Variants in BPIFC observed in about 807,000 individuals in gnomAD.
BPIFC encodes BPI fold containing family C, also known as BPI fold-containing family C protein.
BPIFC carries 60 observed loss-of-function variants against 57.6 expected under a neutral mutation model. That is an observed-to-expected ratio of 1.04 (90% CI 0.85 to 1.29). The LOEUF is 1.29. BPIFC is among the 50% of genes most tolerant of loss of function. The pLI, the probability that BPIFC is intolerant of heterozygous loss-of-function variation, is 0.00. For synonymous variants in BPIFC, 243 were observed against 224.5 expected, an observed-to-expected ratio of 1.08 and a Z score of -0.74; for missense variants, 581 against 600.5, an observed-to-expected ratio of 0.97 and a Z score of 0.34.
chr22:32,427,997 A>G (rs185183210), intron 13 of BPIFC, among the ~76,000 whole-genome samples: 2 of 152,276 alleles, frequency 1.3e-5, no homozygotes, highest in Admixed American at 1.3e-4. Flanking sequence ...AAAACAAAAC[A>G]GAACAAAACA....
In BPIFC at chr22:32,431,353, A is replaced by T. The variant is rs1278113807; in HGVS notation, c.1211T>A (p.Leu404Gln). The part of the protein sequence containing the change: ...LGQRLVCSLS[L>Q]NRFRLALPES... ...TCAAATTGATTGATCTTACCTGTTC[A>T]GAGACAAGGAGCAGACCAGTCTTTG... is the stretch of plus-strand genomic sequence containing the variant. Residue 404 changes from leucine (L) to glutamine (Q), a missense_variant, in exon 13 of 17, where the codon CTG (leucine) becomes CAG (glutamine). Coordinates refer to ENST00000300399, the MANE Select transcript of BPIFC (RefSeq NM_174932.3). The T allele has an allele frequency of 1.9e-6, 3 of 1,611,558 alleles. No individual in the cohort carries two copies. In the South Asian group the frequency reaches 3.3e-5, roughly 18 times the overall value.
At chr22:32,426,383 C>T (rs976966771) in intron 13 of BPIFC, among the ~76,000 whole-genome samples, 6 of 152,172 alleles carry the variant, frequency 3.9e-5, no homozygotes, top group Non-Finnish European at 8.8e-5. Context: ...GATCCTACTG[C>T]CAGAGCCCAG....
At chr22:32,432,081 CACA>C (rs1482841470) in intron 12 of BPIFC, among the ~76,000 whole-genome samples, 4 of 152,046 alleles carry the variant, frequency 2.6e-5, no homozygotes, top group East Asian at 1.9e-4. Context: ...ATGACAGGTG[CACA>C]ACACCACCAC....
intron 13 of BPIFC, among the ~76,000 whole-genome samples, chr22:32,430,695 C>T (rs1934215652): frequency 6.6e-6 from 1 of 151,612 alleles, no homozygotes; most frequent in Non-Finnish European, 1.5e-5. Flanking sequence ...GGTTGGAGTG[C>T]AGTGGCACGA....
chr22:32,421,272 A>G (rs908398730), intron 13 of BPIFC, among the ~76,000 whole-genome samples: 2 of 152,236 alleles, frequency 1.3e-5, no homozygotes, highest in African/African-American at 4.8e-5. Context: ...TAATGATACT[A>G]TGAAGAAATA....
Position 32,417,033 on chromosome 22 carries a change from T to C in BPIFC, c.1324+52A>G, listed in dbSNP as rs201131557. On this transcript the variant is annotated intron_variant, in intron 15 of 16. Coordinates refer to ENST00000300399, the MANE Select transcript of BPIFC (RefSeq NM_174932.3). The stretch of plus-strand genomic sequence containing the variant: ...CAATCCCCAGTGCAGCCGATGCAGA[T>C]GTTAAATGTTAGCCGATGTTACAGT... 852 of 1,380,350 alleles carry C rather than the reference T, an allele frequency of 6.2e-4. 4 individuals are homozygous for C. Among genetic ancestry groups the C allele is most frequent in the Non-Finnish European group, 7.5e-4 (730 of 966,976 alleles). 85.5% of individuals were successfully genotyped at this position (1,380,350 alleles called of 1,614,324 possible). A position where few individuals can be genotyped will look rare whatever the true frequency, so the allele number is the denominator to read the frequency against.
intron 16 of BPIFC, 100 bp from the exon 17 acceptor site, chr22:32,414,525 A>G (rs1933614418): frequency 7.1e-7 from 1 of 1,416,816 alleles, no homozygotes; most frequent in Non-Finnish European, 9.5e-7. Flanking sequence ...TATTATTTTA[A>G]TTTTGAGATG....
chr22:32,457,509 C>T, intron 2 of BPIFC, 123 bp from the exon 3 acceptor site: 2 of 1,074,252 alleles, frequency 1.9e-6, no homozygotes, highest in Non-Finnish European at 2.7e-6. Context: ...TACATCCATC[C>T]AATCCATCCA....
rs753070287 is a variant in BPIFC, at chr22:32,432,417, G to C, written c.1105C>G (p.Gln369Glu). Residue 369 changes from glutamine (Q) to glutamate (E), a missense_variant, in exon 12 of 17, where the codon CAA (glutamine) becomes GAA (glutamate). Physicochemically the swap from Gln to Glu is conservative, Grantham distance 29 (BLOSUM62 2). Coordinates refer to ENST00000300399, the MANE Select transcript of BPIFC (RefSeq NM_174932.3). ...DIPASIMMLT[Q>E]PKNSTVETIV... is the part of the protein sequence containing the mutation. ...GTTTCAACTGTGGAGTTCTTGGGTT[G>C]GGTGAGCATCATGATGGAGGCAGGG... 4 of 1,614,002 alleles carry C rather than the reference G, an allele frequency of 2.5e-6. No homozygotes were observed. The highest frequency in any genetic ancestry group is 2.7e-5 in the African/African-American group (2 of 74,914).
At chr22:32,456,114 C>T (rs1266128969) in intron 3 of BPIFC, among the ~76,000 whole-genome samples, 3 of 152,240 alleles carry the variant, frequency 2.0e-5, no homozygotes, top group Non-Finnish European at 4.4e-5. Context: ...TTTAATGACT[C>T]TGCTCCAGAA....
intron 3 of BPIFC, among the ~76,000 whole-genome samples, chr22:32,456,059 A>G (rs888450710): frequency 6.6e-6 from 1 of 152,270 alleles, no homozygotes; most frequent in African/African-American, 2.4e-5. Context: ...GGAAAGCAAC[A>G]GAACTGACAT....
chr22:32,456,767 T>G (rs1319421603), intron 3 of BPIFC, among the ~76,000 whole-genome samples: 1 of 152,176 alleles, frequency 6.6e-6, no homozygotes, highest in Non-Finnish European at 1.5e-5. Context: ...ATAAATGTTC[T>G]CTAAAGGAGT....
Position 32,435,842 on chromosome 22 carries a change from G to T in BPIFC, c.786C>A (p.Pro262=), listed in dbSNP as rs764786332. 6.2e-7 allele frequency: 1 copy of T among 1,613,312 alleles called. No homozygotes were observed. Among genetic ancestry groups the T allele is most frequent in the Non-Finnish European group, 8.5e-7 (1 of 1,179,784 alleles). Residue 262 remains proline, a synonymous_variant, in exon 10 of 17, where the codon CCC becomes CCA. Coordinates refer to ENST00000300399, the MANE Select transcript of BPIFC (RefSeq NM_174932.3). The part of the protein sequence containing the change: ...FYPLENLTDP[P]FSPVPFVLPE... ...GGAGCACAAAAGGAACTGGTGAGAA[G>T]GGGGGGTCGGTGAGGTTTTCCAGTG...
chr22:32,435,646 T>A (rs1934368432), intron 10 of BPIFC, 58 bp downstream of exon 10: 1 of 1,534,570 alleles, frequency 6.5e-7, no homozygotes, highest in African/African-American at 1.4e-5. Context: ...TACAATAGGA[T>A]ACTTATAAAA....
intron 13 of BPIFC, among the ~76,000 whole-genome samples, chr22:32,424,744 TTCTTCTTCC>T (rs1375037664): frequency 7.3e-4 from 56 of 76,964 alleles, no homozygotes; most frequent in Non-Finnish European, 1.0e-3. Context: ...CTTCTTCCTC[TTCTTCTTCC>T]TCTTCTTCTT....
chr22:32,453,908 C>T (rs1435266670), intron 3 of BPIFC, among the ~76,000 whole-genome samples: 1 of 151,620 alleles, frequency 6.6e-6, no homozygotes, highest in Non-Finnish European at 1.5e-5. Flanking sequence ...CATTGAGATC[C>T]TGTCTCTACA....
chr22:32,453,394 G>A lies in BPIFC; in HGVS notation c.234C>T (p.Tyr78=), dbSNP rs769477972. 5.0e-6 allele frequency: 8 copies of A among 1,584,258 alleles called. No individual in the cohort carries two copies. In the African/African-American group the frequency reaches 9.6e-5, roughly 19 times the overall value. Residue 78 remains tyrosine (Y), a synonymous_variant, in exon 4 of 17, where the codon TAC becomes TAT. Coordinates refer to ENST00000300399, the MANE Select transcript of BPIFC (RefSeq NM_174932.3). The part of the protein sequence containing the change: ...LEFLKVDYVN[Y]NFSNIKISAF... Reference sequence around the variant, plus strand: ...TTCTTTTTACTTACTTTGAAAAATTGTAGTTTACATAATCAACTTTTAGAA... The same window carrying A: ...TTCTTTTTACTTACTTTGAAAAATTATAGTTTACATAATCAACTTTTAGAA...
At chr22:32,436,549 C>T (rs1018897257) in intron 9 of BPIFC, among the ~76,000 whole-genome samples, 1 of 152,160 alleles carries the variant, frequency 6.6e-6, no homozygotes, top group Non-Finnish European at 1.5e-5. Flanking sequence ...GACTCCTTGA[C>T]CAGTGACTAT....
chr22:32,431,031 T>C (rs1316329570), intron 13 of BPIFC, among the ~76,000 whole-genome samples: 1 of 152,172 alleles, frequency 6.6e-6, no homozygotes, highest in Non-Finnish European at 1.5e-5. Flanking sequence ...ACAGTACCAT[T>C]TTTAGTAAAG....
Sources: gnomAD v4.1 joint callset for allele counts (sites outside exome capture counted in the v4.1 genomes callset) on GRCh38, gnomAD v4.1.1 for gene constraint, MANE v1.5 for transcripts, NCBI Gene and HGNC (gene_info 2026-07-23, HGNC 2026-07-21) for gene names.